NFKB1: variants seen among roughly 807,000 people sequenced by gnomAD.
The protein encoded by NFKB1 is nuclear factor kappa B subunit 1.
NFKB1 carries 9 observed loss-of-function variants against 105.1 expected under a neutral mutation model. The ratio of observed to expected loss-of-function variants is 0.09; its 90% CI spans 0.05 to 0.15. The LOEUF (loss-of-function observed/expected upper bound fraction) is 0.15. Ranked by LOEUF, NFKB1 falls within the 10% of genes least tolerant of loss-of-function variation. The pLI is 1.00. For missense variants in NFKB1, 830 were observed against 1,203.7 expected, an observed-to-expected ratio of 0.69 and a Z score of 4.59; for synonymous variants, 440 against 442.2, an observed-to-expected ratio of 1.00 and a Z score of 0.06.
At chr4:102,509,448 T>C (rs1347961968) in intron 1 of NFKB1, among the ~76,000 whole-genome samples, 1 of 152,204 alleles carries the variant, frequency 6.6e-6, no homozygotes, top group Non-Finnish European at 1.5e-5. Context: ...GGTAGTTCAA[T>C]CCTGTGTTGA....
rs115396308 is a variant in NFKB1, at chr4:102,545,398, G to A, written c.258+7442G>A. Among the ~76,000 whole-genome samples, 1,306 of 152,234 alleles carry A rather than the reference G, an allele frequency of 8.6e-3. 12 individuals carry two copies. The highest frequency in any genetic ancestry group is 0.03 in the African/African-American group (1,238 of 41,538). On this transcript the variant is annotated intron_variant, in intron 5 of 23. Transcript: ENST00000226574. Reference sequence around the variant, plus strand: ...AGAATGATTATAATAATGGCTTGATGTGCTTACTTACATCATCTCATTTAA... The same window carrying A: ...AGAATGATTATAATAATGGCTTGATATGCTTACTTACATCATCTCATTTAA...
intron 1 of NFKB1, among the ~76,000 whole-genome samples, chr4:102,507,455 TTTA>T (rs1300441203): frequency 2.0e-5 from 3 of 147,876 alleles, no homozygotes; most frequent in African/African-American, 7.5e-5. Flanking sequence ...TTTTTTGTAA[TTTA>T]TTTTTTATTT....
At chr4:102,523,285 T>A (rs1275133427) in intron 1 of NFKB1, among the ~76,000 whole-genome samples, 2 of 152,242 alleles carry the variant, frequency 1.3e-5, no homozygotes, top group East Asian at 3.8e-4. Flanking sequence ...TGTCTGTATA[T>A]CTTCAATCAA....
intron 1 of NFKB1, among the ~76,000 whole-genome samples, chr4:102,523,896 G>A (rs1475733552): frequency 1.3e-5 from 2 of 152,054 alleles, no homozygotes; most frequent in Non-Finnish European, 2.9e-5. Context: ...GAAGTGTAGG[G>A]TATACACTAG....
intron 5 of NFKB1, among the ~76,000 whole-genome samples, chr4:102,543,626 C>T (rs1721894097): frequency 6.7e-6 from 1 of 149,990 alleles, no homozygotes; most frequent in South Asian, 2.1e-4. Context: ...AAAAAGGCTC[C>T]ACTCTTCGTG....
intron 6 of NFKB1, among the ~76,000 whole-genome samples, chr4:102,571,898 A>T (rs933942010): frequency 6.6e-6 from 1 of 152,224 alleles, no homozygotes; most frequent in Non-Finnish European, 1.5e-5. Context: ...ACTGTAAACT[A>T]GTTCAGCCAT....
intron 5 of NFKB1, among the ~76,000 whole-genome samples, chr4:102,564,793 G>A (rs1313344140): frequency 2.6e-5 from 4 of 152,210 alleles, no homozygotes; most frequent in African/African-American, 9.6e-5. Context: ...AAATTGGAAA[G>A]CCTAGCTGAT....
intron 1 of NFKB1, among the ~76,000 whole-genome samples, chr4:102,502,748 C>T (rs550328121): frequency 6.6e-6 from 1 of 152,188 alleles, no homozygotes. Flanking sequence ...TGTTCATGGA[C>T]TTTGTTAAGT....
intron 7 of NFKB1, among the ~76,000 whole-genome samples, chr4:102,577,354 C>G (rs1298879309): frequency 1.3e-5 from 2 of 152,108 alleles, no homozygotes; most frequent in Non-Finnish European, 2.9e-5. Context: ...ATGTGTCTTC[C>G]TTTACCAAAA....
At chr4:102,512,185 T>G (rs1026992810) in intron 1 of NFKB1, among the ~76,000 whole-genome samples, 7 of 152,222 alleles carry the variant, frequency 4.6e-5, no homozygotes, top group Admixed American at 4.6e-4. Flanking sequence ...AATGTAAAAG[T>G]AAATATTTTG....
At chr4:102,577,867 C>T in intron 7 of NFKB1, 1 of 985,222 alleles carries the variant, frequency 1.0e-6, no homozygotes, top group Non-Finnish European at 1.2e-6. Flanking sequence ...GGTCTCTGTC[C>T]CTCCCCACTT....
At chr4:102,589,103 A>G (rs1725960842) in intron 11 of NFKB1, among the ~76,000 whole-genome samples, 1 of 152,182 alleles carries the variant, frequency 6.6e-6, no homozygotes, top group African/African-American at 2.4e-5. Context: ...TTGGAATCTT[A>G]CTAGCTGTGT....
Position 102,501,487 on chromosome 4 carries a change from G to C in NFKB1, c.-309G>C, listed in dbSNP as rs1204877845. On this transcript the variant is annotated 5_prime_UTR_variant, in exon 1 of 24. Coordinates refer to ENST00000226574, the MANE Select transcript of NFKB1 (RefSeq NM_003998.4). The stretch of plus-strand genomic sequence containing the variant: ...AGCCGCCGCAGCCCTCGGCCTGCAC[G>C]CAGCCACCGGCCCCGCTCCCGGAGC... The C allele has an allele frequency of 1.3e-5, 2 of 149,980 alleles. No individual in the cohort carries two copies. Among genetic ancestry groups the C allele is most frequent in the Non-Finnish European group, 3.0e-5 (2 of 67,390 alleles). 9.3% of individuals were successfully genotyped at this position (149,980 alleles called of 1,614,324 possible).
chr4:102,580,266 C>G (rs1725217700), intron 8 of NFKB1, among the ~76,000 whole-genome samples: 1 of 152,192 alleles, frequency 6.6e-6, no homozygotes, highest in South Asian at 2.1e-4. Context: ...AAAGCTCTTT[C>G]TCTTTTTGTG....
intron 5 of NFKB1, among the ~76,000 whole-genome samples, chr4:102,561,033 C>G (rs1723381419): frequency 6.6e-6 from 1 of 152,174 alleles, no homozygotes; most frequent in African/African-American, 2.4e-5. Context: ...CTGACTAGAT[C>G]AACTTGAAAT....
chr4:102,507,704 A>AC (rs1560626567), intron 1 of NFKB1, among the ~76,000 whole-genome samples: 2 of 152,188 alleles, frequency 1.3e-5, no homozygotes, highest in East Asian at 3.8e-4. Flanking sequence ...AGTTGAGCAT[A>AC]CCTCTATAAT....
At chr4:102,573,792 TTGTC>T (rs1724585909) in intron 6 of NFKB1, among the ~76,000 whole-genome samples, 1 of 152,098 alleles carries the variant, frequency 6.6e-6, no homozygotes, top group Admixed American at 6.5e-5. Context: ...ACCAATATTT[TTGTC>T]TGTAGTGTCT....
At chr4:102,592,200 T>A (rs1223725536) in intron 11 of NFKB1, among the ~76,000 whole-genome samples, 1 of 152,234 alleles carries the variant, frequency 6.6e-6, no homozygotes, top group African/African-American at 2.4e-5. Flanking sequence ...GAGAAGATGC[T>A]GTGAACATTC....
intron 15 of NFKB1, among the ~76,000 whole-genome samples, chr4:102,598,629 G>T (rs1205719048): frequency 2.0e-5 from 3 of 152,180 alleles, no homozygotes; most frequent in Admixed American, 6.5e-5. Context: ...TTGGTATAAA[G>T]CCATGAACAG....
Sources: gnomAD v4.1 joint callset for allele counts (sites outside exome capture counted in the v4.1 genomes callset) on GRCh38, gnomAD v4.1.1 for gene constraint, MANE v1.5 for transcripts, NCBI Gene and HGNC (gene_info 2026-07-23, HGNC 2026-07-21) for gene names.